The following CNTN4 variants were observed in gnomAD, a reference collection of about 807,000 sequenced individuals.
CNTN4 encodes the protein contactin-4.
In CNTN4, 77 loss-of-function variants were observed where a neutral mutation model predicts 122.5. That is an observed-to-expected ratio of 0.63 (90% CI 0.52 to 0.76). CNTN4 has a LOEUF of 0.76. CNTN4 is among the 30% of genes least tolerant of loss of function. CNTN4 has a pLI of 0.00. For synonymous variants in CNTN4, 512 were observed against 447.0 expected, an observed-to-expected ratio of 1.15 and a Z score of -1.83; for missense variants, 1,256 against 1,259.1, an observed-to-expected ratio of 1.00 and a Z score of 0.04.
chr3:2,902,952 T>A lies in CNTN4; in HGVS notation c.1154T>A (p.Leu385Ter). ...NLSDAGMYQCLAENKHGVIFS... is the reference protein window; with the variant it reads ...NLSDAGMYQC Reference sequence around the variant, plus strand: ...TCAGATGCTGGCATGTATCAGTGTTTGGCAGAGAATAAACATGGAGTTATC... The same window carrying A: ...TCAGATGCTGGCATGTATCAGTGTTAGGCAGAGAATAAACATGGAGTTATC... Residue 385 changes from leucine to a stop codon, truncating the protein, a stop_gained, in exon 12 of 25, where the codon TTG becomes TAG. Transcript: ENST00000418658. LOFTEE classifies it high-confidence loss of function. 1 of 1,613,926 alleles carries A rather than the reference T, an allele frequency of 6.2e-7. No homozygotes were observed. The highest frequency in any genetic ancestry group is 8.5e-7 in the Non-Finnish European group (1 of 1,179,898).
intron 7 of CNTN4, among the ~76,000 whole-genome samples, chr3:2,861,767 T>A (rs1239856604): frequency 1.3e-5 from 2 of 152,200 alleles, no homozygotes; most frequent in African/African-American, 4.8e-5. Context: ...CCCTTGTGAT[T>A]CCTAGCAAGT....
At position 2,883,267 on chromosome 3, in the gene CNTN4, C is replaced by T. The variant is rs368705105; in HGVS notation, c.755+20C>T. On this transcript the variant is annotated intron_variant, in intron 9 of 24. Transcript: ENST00000418658. ...AGGAAAGTAAGTTCTGGTTTGCGTTCCTTCTCATCCTCCCTTCAGCTTGAG... is the reference window on the plus strand; with the variant it reads ...AGGAAAGTAAGTTCTGGTTTGCGTTTCTTCTCATCCTCCCTTCAGCTTGAG... 65 of 1,547,966 alleles carry T rather than the reference C, an allele frequency of 4.2e-5. No individual in the cohort carries two copies. The African/African-American group carries it at 7.6e-4, about 18-fold the overall frequency.
chr3:2,879,687 G>T (rs1424426058), intron 8 of CNTN4, among the ~76,000 whole-genome samples: 1 of 152,122 alleles, frequency 6.6e-6, no homozygotes, highest in Non-Finnish European at 1.5e-5. Context: ...TCCCAGGGCT[G>T]AGACTGGGAA....
chr3:2,438,235 T>G (rs1344928266), intron 3 of CNTN4, among the ~76,000 whole-genome samples: 2 of 152,206 alleles, frequency 1.3e-5, no homozygotes, highest in African/African-American at 4.8e-5. Context: ...AACTGTGTTA[T>G]TTGGCTGGGC....
chr3:2,260,453 C>G (rs2040787877), intron 2 of CNTN4, among the ~76,000 whole-genome samples: 1 of 151,704 alleles, frequency 6.6e-6, no homozygotes. Flanking sequence ...TTTTCCAATT[C>G]AAGGTGTTAT....
At chr3:2,409,480 C>A (rs146394052) in intron 3 of CNTN4, among the ~76,000 whole-genome samples, 128 of 152,156 alleles carry the variant, frequency 8.4e-4, no homozygotes, top group African/African-American at 2.9e-3. Flanking sequence ...AATTCCTGAC[C>A]TTGTGATCTG....
intron 2 of CNTN4, among the ~76,000 whole-genome samples, chr3:2,265,441 C>G (rs13324620): frequency 0.024 from 3,654 of 152,144 alleles, 137 homozygotes; most frequent in African/African-American, 0.084. Flanking sequence ...ATGCCAGTAT[C>G]ATGTGGTTTG....
chr3:2,887,367 G>A (rs189498550), intron 10 of CNTN4, 143 bp downstream of exon 10: 6 of 789,670 alleles, frequency 7.6e-6, no homozygotes, highest in Non-Finnish European at 6.2e-6. Context: ...TCCATAATCA[G>A]CCCTGGTTGA....
chr3:2,294,825 C>T (rs749440503), intron 2 of CNTN4, among the ~76,000 whole-genome samples: 80 of 152,216 alleles, frequency 5.3e-4, no homozygotes, highest in Non-Finnish European at 8.4e-4. Context: ...TATCCCTCCC[C>T]TCTCCCCCAA....
At chr3:2,436,423 G>C (rs1287723670) in intron 3 of CNTN4, among the ~76,000 whole-genome samples, 1 of 152,100 alleles carries the variant, frequency 6.6e-6, no homozygotes, top group African/African-American at 2.4e-5. Flanking sequence ...GAGTCTCAAG[G>C]TATGACCTTC....
chr3:2,731,185 T>C (rs1037090146), intron 4 of CNTN4, among the ~76,000 whole-genome samples: 9 of 152,156 alleles, frequency 5.9e-5, no homozygotes, highest in African/African-American at 2.2e-4. Context: ...GACACTATGT[T>C]TTACTTCTGG....
At chr3:3,048,713 A>G (rs781709667) in intron 23 of CNTN4, among the ~76,000 whole-genome samples, 9 of 152,198 alleles carry the variant, frequency 5.9e-5, no homozygotes, top group Admixed American at 1.3e-4. Context: ...CCCATTAAAT[A>G]TGGCTATTGT....
chr3:2,822,421 G>C (rs924812765), intron 7 of CNTN4, among the ~76,000 whole-genome samples: 8 of 152,158 alleles, frequency 5.3e-5, no homozygotes, highest in Non-Finnish European at 1.2e-4. Context: ...TTTATCAAGT[G>C]TGTTTGCATT....
chr3:2,354,454 C>G (rs1439121864), intron 3 of CNTN4, among the ~76,000 whole-genome samples: 1 of 152,138 alleles, frequency 6.6e-6, no homozygotes, highest in Non-Finnish European at 1.5e-5. Flanking sequence ...TCACTTGAAC[C>G]CGGGAGGCGG....
At chr3:2,951,589 T>C (rs1191037296) in intron 13 of CNTN4, among the ~76,000 whole-genome samples, 2 of 152,220 alleles carry the variant, frequency 1.3e-5, no homozygotes, top group Admixed American at 1.3e-4. Context: ...TCTAAACTTA[T>C]TGGTAATACA....
intron 3 of CNTN4, among the ~76,000 whole-genome samples, chr3:2,437,835 A>G (rs1187103733): frequency 6.6e-6 from 1 of 152,214 alleles, no homozygotes; most frequent in Non-Finnish European, 1.5e-5. Context: ...TGGTGAGCTG[A>G]GGGAGAGTTC....
Position 2,149,804 on chromosome 3 carries a change from A to C in CNTN4, c.-145+49165A>C, listed in dbSNP as rs141460323. On this transcript the variant is annotated intron_variant, in intron 2 of 24. Coordinates refer to ENST00000418658, the MANE Select transcript of CNTN4 (RefSeq NM_175607.3). ...GTATAGTTGTAGGTTGTGCAACTACAGGTTGTGTAGTTGCAGGTTGTGTAG... is the reference window on the plus strand; with the variant it reads ...GTATAGTTGTAGGTTGTGCAACTACCGGTTGTGTAGTTGCAGGTTGTGTAG... Among the ~76,000 whole-genome samples the C allele has an allele frequency of 1.6e-3, 237 of 152,254 alleles. 1 individual carries two copies. Among genetic ancestry groups the C allele is most frequent in the African/African-American group, 5.5e-3 (229 of 41,552 alleles).
chr3:3,003,175 C>G (rs551694872), intron 14 of CNTN4, among the ~76,000 whole-genome samples: 1 of 152,118 alleles, frequency 6.6e-6, no homozygotes, highest in African/African-American at 2.4e-5. Context: ...AAGGTGGTGC[C>G]TTCCTGGGAG....
intron 3 of CNTN4, among the ~76,000 whole-genome samples, chr3:2,364,552 G>A (rs2045296207): frequency 6.6e-6 from 1 of 151,954 alleles, no homozygotes; most frequent in South Asian, 2.1e-4. Context: ...GGCATTTGTT[G>A]ACAATAGAGC....
Sources: allele counts gnomAD v4.1 joint callset (sites outside exome capture counted in the v4.1 genomes callset), GRCh38; gene constraint gnomAD v4.1.1; transcripts MANE v1.5; gene names NCBI Gene and HGNC (gene_info 2026-07-23, HGNC 2026-07-21).